The following SIRPG variants were observed in gnomAD, a reference collection of about 807,000 sequenced individuals.
The protein encoded by SIRPG is signal-regulatory protein gamma.
In SIRPG, 38 loss-of-function variants were observed where a neutral mutation model predicts 35.7. The observed-to-expected ratio is 1.06, with a 90% CI of 0.82 to 1.40. The LOEUF is 1.40. Ranked by LOEUF, SIRPG falls within the 40% of genes most tolerant of loss-of-function variation. SIRPG has a pLI of 0.00. For synonymous variants in SIRPG, 215 were observed against 190.4 expected, an observed-to-expected ratio of 1.13 and a Z score of -1.06; for missense variants, 519 against 483.0, an observed-to-expected ratio of 1.07 and a Z score of -0.70.
the SIRPG span, among the ~76,000 whole-genome samples, chr20:1,678,430 A>G: frequency 2.0e-5 from 3 of 152,366 alleles, no homozygotes; most frequent in South Asian, 6.2e-4. Flanking sequence ...AGTTGAAAGT[A>G]TTACAACTAA....
the SIRPG span, among the ~76,000 whole-genome samples, chr20:1,684,603 T>G: frequency 6.6e-6 from 1 of 152,252 alleles, no homozygotes; most frequent in African/African-American, 2.4e-5. Flanking sequence ...GTTTTAACTC[T>G]GAGTGTCACT....
At chr20:1,631,135 A>G (rs549635563) in intron 4 of SIRPG, among the ~76,000 whole-genome samples, 10 of 152,180 alleles carry the variant, frequency 6.6e-5, no homozygotes, top group Non-Finnish European at 1.5e-4. Flanking sequence ...AACATTTTTA[A>G]CGCGAGCAGT....
At chr20:1,634,871 A>G (rs368563473) in intron 4 of SIRPG, among the ~76,000 whole-genome samples, 48 of 151,762 alleles carry the variant, frequency 3.2e-4, no homozygotes, top group Non-Finnish European at 4.7e-4. Flanking sequence ...GTGAAACCCC[A>G]TCTCTACTAA....
chr20:1,661,916 AC>A (rs1318247111), upstream of SIRPG, among the ~76,000 whole-genome samples: 1 of 152,146 alleles, frequency 6.6e-6, no homozygotes, highest in African/African-American at 2.4e-5. Flanking sequence ...GACAGCCCAG[AC>A]CAAGAGGGCT....
At chr20:1,633,979 A>C (rs965945655) in intron 4 of SIRPG, among the ~76,000 whole-genome samples, 2 of 152,204 alleles carry the variant, frequency 1.3e-5, no homozygotes, top group Admixed American at 1.3e-4. Context: ...ATCTAAAGGC[A>C]AGAGGTCTTC....
chr20:1,677,150 A>C, the SIRPG span, among the ~76,000 whole-genome samples: 1 of 147,802 alleles, frequency 6.8e-6, no homozygotes, highest in Non-Finnish European at 1.5e-5. Flanking sequence ...TTAGAACATG[A>C]GACTGTATTA....
the SIRPG span, among the ~76,000 whole-genome samples, chr20:1,683,497 G>A: frequency 6.6e-6 from 1 of 152,154 alleles, no homozygotes; most frequent in African/African-American, 2.4e-5. Flanking sequence ...CAACCTAAGT[G>A]TCTATCAACA....
Position 1,630,235 on chromosome 20 carries a change from G to T in SIRPG, c.1153C>A (p.Gln385Lys), listed in dbSNP as rs773466471. The change falls in exon 5 of 6, where the codon CAG becomes AAG. Residue 385 changes from glutamine to lysine, a missense_variant. Transcript: ENST00000303415. ...CCTTGTACTTACAGTCAGGTCTTCT[G>T]CTTCCAGGGGACGTAGATGGGGCCC... Reference protein sequence around the residue: ...LLGPIYVPWKQKT With the variant: ...LLGPIYVPWKKKT The T allele has an allele frequency of 6.4e-7, 1 of 1,568,518 alleles. No individual in the cohort carries two copies. Among genetic ancestry groups the T allele is most frequent in the East Asian group, 2.3e-5 (1 of 42,814 alleles).
At chr20:1,648,693 G>A (rs1375645603) in intron 2 of SIRPG, among the ~76,000 whole-genome samples, 1 of 152,148 alleles carries the variant, frequency 6.6e-6, no homozygotes, top group Non-Finnish European at 1.5e-5. Flanking sequence ...CAGCCTGAGA[G>A]AGAAGCGCTC....
intron 5 of SIRPG, 129 bp downstream of exon 5, chr20:1,630,090 CAAG>C: frequency 2.9e-6 from 2 of 699,776 alleles, no homozygotes; most frequent in East Asian, 5.5e-5. Flanking sequence ...AAGGGTTCCC[CAAG>C]ACTTCCGAGG....
intron 4 of SIRPG, 153 bp from the exon 5 acceptor site, chr20:1,630,459 G>T: frequency 1.6e-6 from 1 of 607,866 alleles, no homozygotes; most frequent in Non-Finnish European, 2.9e-6. Flanking sequence ...CCAGCACAAG[G>T]CAGAAGCCAC....
the SIRPG span, among the ~76,000 whole-genome samples, chr20:1,665,592 G>A: frequency 6.6e-6 from 1 of 152,120 alleles, no homozygotes; most frequent in Non-Finnish European, 1.5e-5. Flanking sequence ...CCATCTCCCG[G>A]TGCCAGGCTC....
intron 1 of SIRPG, among the ~76,000 whole-genome samples, chr20:1,653,132 C>T (rs1242934771): frequency 2.0e-5 from 3 of 152,210 alleles, no homozygotes; most frequent in Non-Finnish European, 4.4e-5. Context: ...GCCCACTCCA[C>T]ACCCAAGAGC....
the SIRPG span, among the ~76,000 whole-genome samples, chr20:1,673,143 G>A: frequency 6.6e-6 from 1 of 152,140 alleles, no homozygotes; most frequent in Admixed American, 6.5e-5. Context: ...CCTAACATGT[G>A]TCAGACATTT....
At chr20:1,643,274 A>G (rs1156247261) in intron 2 of SIRPG, among the ~76,000 whole-genome samples, 1 of 151,806 alleles carries the variant, frequency 6.6e-6, no homozygotes, top group African/African-American at 2.4e-5. Flanking sequence ...ATTCCTTTTC[A>G]TTCTTTTTTT....
chr20:1,678,333 C>A, the SIRPG span, among the ~76,000 whole-genome samples: 2 of 152,190 alleles, frequency 1.3e-5, no homozygotes, highest in African/African-American at 4.8e-5. Context: ...AGACAAACAA[C>A]TAAAATAATT....
chr20:1,636,533 G>C, intron 2 of SIRPG, 28 bp from the exon 3 acceptor site: 1 of 1,609,864 alleles, frequency 6.2e-7, no homozygotes, highest in Non-Finnish European at 8.5e-7. Flanking sequence ...ATAAACAGGA[G>C]ACATGACTGA....
chr20:1,670,131 C>T, the SIRPG span: 2 of 255,754 alleles, frequency 7.8e-6, no homozygotes, highest in Non-Finnish European at 8.7e-6. Context: ...TTTCTGTTCT[C>T]CAACCAGGTC....
At chr20:1,680,847 T>G in the SIRPG span, among the ~76,000 whole-genome samples, 1 of 152,194 alleles carries the variant, frequency 6.6e-6, no homozygotes, top group Non-Finnish European at 1.5e-5. Flanking sequence ...TTTGGCACTA[T>G]CTAATTTACT....
Sources: allele counts gnomAD v4.1 joint callset (sites outside exome capture counted in the v4.1 genomes callset), GRCh38; gene constraint gnomAD v4.1.1; transcripts MANE v1.5; gene names NCBI Gene and HGNC (gene_info 2026-07-23, HGNC 2026-07-21).